Variants in TMEM176B observed in about 807,000 individuals in gnomAD.
TMEM176B encodes LR8-like protein.
Under a neutral mutation model 30.3 loss-of-function variants are expected in TMEM176B, and 28 were observed. That is an observed-to-expected ratio of 0.92 (90% CI 0.68 to 1.27). The LOEUF is 1.27. Ranked by LOEUF, TMEM176B falls within the 50% of genes most tolerant of loss-of-function variation. The pLI is 0.00. For synonymous variants in TMEM176B, 123 were observed against 130.3 expected (o/e 0.94, Z 0.38); for missense variants, 349 against 327.4 (o/e 1.07, Z -0.51).
At chr7:150,797,683 T>C (rs1319171947) in intron 1 of TMEM176B, among the ~76,000 whole-genome samples, 2 of 152,202 alleles carry the variant, frequency 1.3e-5, no homozygotes, top group Admixed American at 1.3e-4. Context: ...ATGAGAACCC[T>C]GCCTTGTGGG....
In TMEM176B at chr7:150,791,477, C is replaced by T; in HGVS notation, c.*54G>A. On this transcript the variant is annotated 3_prime_UTR_variant, in exon 7 of 7. Coordinates refer to ENST00000326442, the MANE Select transcript of TMEM176B (RefSeq NM_001101312.2). ...AAGTGTGAGGAGCCAGGAGTGGGGG[C>T]CCTGGGCTGCCCTAGACAGGGACAT... 3.3e-6 allele frequency: 5 copies of T among 1,503,042 alleles called. No homozygotes were observed. The South Asian group carries it at 5.7e-5, about 17-fold the overall frequency. The allele number at this position is 1,503,042 out of a possible 1,614,324, so 93.1% of individuals were successfully genotyped here. A position where few individuals can be genotyped will look rare whatever the true frequency, so the allele number is the denominator to read the frequency against.
chr7:150,796,173 C>A (rs56296878), intron 2 of TMEM176B, among the ~76,000 whole-genome samples, 193 bp downstream of exon 2: 25,792 of 152,128 alleles, frequency 0.17, 2,369 homozygotes, highest in Admixed American at 0.28. Context: ...TAACATTTCT[C>A]CTTTTTATAA....
In TMEM176B at chr7:150,794,010, G is replaced by A. The variant is rs1455069995; in HGVS notation, c.266C>T (p.Pro89Leu). ...CVLGVCLSLG[P>L]WTVLSASGCA... ...GCCTGAGGCACTCAGCACAGTCCAG[G>A]GCCCCAAGCTGAGACACACTCCAAG... Residue 89 changes from proline to leucine, a missense_variant, in exon 3 of 7, where the codon CCC (proline) becomes CTC (leucine). Pro to Leu is a moderately conservative substitution (Grantham distance 98). Coordinates refer to ENST00000326442, the MANE Select transcript of TMEM176B (RefSeq NM_001101312.2). 5 of 1,613,810 alleles carry A rather than the reference G, an allele frequency of 3.1e-6. No homozygotes were observed. In the Admixed American group the frequency reaches 6.7e-5, roughly 22 times the overall value.
At chr7:150,793,745 C>T (rs1798410919) in intron 3 of TMEM176B, 145 bp from the exon 4 acceptor site, 2 of 938,296 alleles carry the variant, frequency 2.1e-6, no homozygotes, top group Admixed American at 2.2e-5. Context: ...GACCAGGATT[C>T]CACCTATACC....
chr7:150,800,023 G>C (rs1021672855), intron 1 of TMEM176B: 1 of 152,306 alleles, frequency 6.6e-6, no homozygotes, highest in South Asian at 2.1e-4. Flanking sequence ...CCACCCCACC[G>C]TAGGGCTCCA....
chr7:150,792,031 C>T (rs761745281), intron 6 of TMEM176B, 25 bp downstream of exon 6: 14 of 1,612,830 alleles, frequency 8.7e-6, no homozygotes, highest in Non-Finnish European at 1.2e-5. Context: ...TCACGCTGCC[C>T]AGAGGCCCCT....
intron 1 of TMEM176B, among the ~76,000 whole-genome samples, chr7:150,797,707 G>A (rs1798582069): frequency 6.6e-6 from 1 of 152,060 alleles, no homozygotes; most frequent in African/African-American, 2.4e-5. Context: ...TCCATTTTCA[G>A]ATTTTTTTTT....
intron 1 of TMEM176B, among the ~76,000 whole-genome samples, chr7:150,797,427 A>G (rs1798571465): frequency 6.6e-6 from 1 of 152,202 alleles, no homozygotes; most frequent in Admixed American, 6.5e-5. Flanking sequence ...TATGCTTACC[A>G]TAGTAAATCA....
chr7:150,794,783 AT>A (rs1021658274), intron 2 of TMEM176B, among the ~76,000 whole-genome samples: 6 of 151,918 alleles, frequency 3.9e-5, no homozygotes, highest in African/African-American at 1.5e-4. Flanking sequence ...TCATACCCCA[AT>A]AAGCCGTTCA....
intron 1 of TMEM176B, 139 bp from the exon 2 acceptor site, chr7:150,796,713 CTTTGGG>C: frequency 1.2e-6 from 1 of 830,626 alleles, no homozygotes; most frequent in Non-Finnish European, 1.9e-6. Flanking sequence ...AATCCCAGTG[CTTTGGG>C]AGGCTGAGGT....
upstream of TMEM176B, chr7:150,801,086 G>A (rs1798765345): frequency 2.8e-6 from 2 of 703,290 alleles, no homozygotes. Context: ...CGGCGGTGGC[G>A]GGGATGGGGG....
At chr7:150,792,486 T>C (rs541578060) in intron 5 of TMEM176B, among the ~76,000 whole-genome samples, 2 of 152,204 alleles carry the variant, frequency 1.3e-5, no homozygotes, top group Non-Finnish European at 2.9e-5. Flanking sequence ...AGCTTCTACT[T>C]TCTGTCTCCT....
chr7:150,793,131 T>C lies in TMEM176B; in HGVS notation c.557A>G (p.Gln186Arg), dbSNP rs2116677661. ...YRWMRRSQEN[Q>R]WQKEECRAYM... ...AGCTCTACACTCCTCCTTCTGCCAT[T>C]GGTTCTCTTGACTTCGCCGCATCCA... The change falls in exon 5 of 7, where the codon CAA becomes CGA. Residue 186 changes from glutamine to arginine, a missense_variant. Coordinates refer to ENST00000326442, the MANE Select transcript of TMEM176B (RefSeq NM_001101312.2). 3 of 1,614,158 alleles carry C rather than the reference T, an allele frequency of 1.9e-6. No individual in the cohort carries two copies. In the East Asian group the frequency reaches 6.7e-5, roughly 36 times the overall value.
chr7:150,800,882 C>T (rs1798756488), upstream of TMEM176B: 2 of 984,520 alleles, frequency 2.0e-6, no homozygotes, highest in Non-Finnish European at 1.2e-6. Flanking sequence ...GCACGCACCC[C>T]GAGCTGCCTC....
intron 1 of TMEM176B, chr7:150,800,046 GC>G (rs1798708132): frequency 6.6e-6 from 1 of 152,292 alleles, no homozygotes; most frequent in South Asian, 2.1e-4. Flanking sequence ...CAGGGTCCAG[GC>G]GTGCAGGCGG....
At chr7:150,796,315 C>G (rs1467107971) in intron 2 of TMEM176B, 51 bp downstream of exon 2, 2 of 1,542,098 alleles carry the variant, frequency 1.3e-6, no homozygotes, top group Non-Finnish European at 1.8e-6. Flanking sequence ...TTTTAATTGA[C>G]CTCATCACCT....
chr7:150,793,852 G>A, intron 3 of TMEM176B, 109 bp downstream of exon 3: 1 of 1,048,558 alleles, frequency 9.5e-7, no homozygotes, highest in Non-Finnish European at 1.4e-6. Flanking sequence ...AGGCCATTTG[G>A]CTCCAGAGAC....
At position 150,792,120 on chromosome 7, in the gene TMEM176B, A is replaced by T. The variant is rs778175211; in HGVS notation, c.656T>A (p.Ile219Asn). The T allele has an allele frequency of 1.2e-6, 2 of 1,613,968 alleles. No individual in the cohort carries two copies. Among genetic ancestry groups the T allele is most frequent in the Non-Finnish European group, 1.7e-6 (2 of 1,179,918 alleles). The change falls in exon 6 of 7, where the codon ATT becomes AAT. Residue 219 changes from isoleucine to asparagine, a missense_variant. Transcript: ENST00000326442. Reference protein sequence around the residue: ...LFLAVCVLKVIVSLVSLGVGL... With the variant: ...LFLAVCVLKVNVSLVSLGVGL... ...TACTCCCAAGGAAACCAAGGACACA[A>T]TGACCTTCAAGACACAGACAGCCAG...
chr7:150,798,833 GC>G (rs1393354730), intron 1 of TMEM176B, among the ~76,000 whole-genome samples: 1 of 151,968 alleles, frequency 6.6e-6, no homozygotes, highest in Non-Finnish European at 1.5e-5. Context: ...GTTTTGTTTT[GC>G]TTTTTTCTAT....
Sources: allele counts gnomAD v4.1 joint callset (sites outside exome capture counted in the v4.1 genomes callset), GRCh38; gene constraint gnomAD v4.1.1; transcripts MANE v1.5; gene names NCBI Gene and HGNC (gene_info 2026-07-23, HGNC 2026-07-21).